Variants in GTF2I observed in about 807,000 individuals in gnomAD.
The protein encoded by GTF2I is general transcription factor IIi.
A neutral mutation model predicts 67.6 loss-of-function variants in GTF2I; 12 were observed. The ratio of observed to expected loss-of-function variants is 0.18; its 90% confidence interval spans 0.11 to 0.29. The LOEUF (loss-of-function observed/expected upper bound fraction) is 0.29. GTF2I is among the 10% of genes least tolerant of loss of function. GTF2I has a pLI of 1.00. For synonymous variants in GTF2I, 149 were observed against 197.0 expected (o/e 0.76, Z 2.04); for missense variants, 271 against 580.1 (o/e 0.47, Z 5.47).
intron 10 of GTF2I, among the ~76,000 whole-genome samples, chr7:74,715,329 T>A (rs1156384121): frequency 1.3e-5 from 2 of 152,118 alleles, no homozygotes; most frequent in Non-Finnish European, 2.9e-5. Context: ...ATTGCCTTTT[T>A]GGCAATTTTT....
rs587707981 is a variant in GTF2I, at chr7:74,734,542, C to T, written c.1363+561C>T. Among the ~76,000 whole-genome samples the T allele has an allele frequency of 2.1e-3, 319 of 152,138 alleles. 1 individual carries two copies. The highest frequency in any genetic ancestry group is 7.5e-3 in the African/African-American group (311 of 41,540). On this transcript the variant is annotated intron_variant, in intron 16 of 34. Transcript: ENST00000573035. ...GGTTCAAGCAGTTCTCCTGCCTCAG[C>T]CTCCCTGTAGCTGGGATTACAGGTG... is the stretch of plus-strand genomic sequence containing the variant.
At chr7:74,717,407 C>CA (rs1161337719) in intron 11 of GTF2I, among the ~76,000 whole-genome samples, 1 of 152,136 alleles carries the variant, frequency 6.6e-6, no homozygotes, top group African/African-American at 2.4e-5. Context: ...ATTTTGTACT[C>CA]ACAACTACTC....
chr7:74,675,942 A>G (rs1260783815), intron 1 of GTF2I, among the ~76,000 whole-genome samples: 1 of 152,136 alleles, frequency 6.6e-6, no homozygotes, highest in East Asian at 1.9e-4. Context: ...CCCGGGAGGC[A>G]GAGGTTGCAG....
chr7:74,701,812 T>A (rs1410709069), intron 6 of GTF2I, among the ~76,000 whole-genome samples: 2 of 152,202 alleles, frequency 1.3e-5, no homozygotes, highest in Non-Finnish European at 2.9e-5. Flanking sequence ...AGATTTACAA[T>A]CTTAAAATGT....
intron 1 of GTF2I, among the ~76,000 whole-genome samples, chr7:74,661,426 T>A (rs587662034): frequency 1.3e-5 from 2 of 152,228 alleles, no homozygotes; most frequent in South Asian, 4.1e-4. Context: ...ACACCTGTAA[T>A]CCCAGCACTT....
intron 12 of GTF2I, among the ~76,000 whole-genome samples, chr7:74,719,453 T>C (rs1265349159): frequency 1.3e-5 from 2 of 152,232 alleles, no homozygotes; most frequent in East Asian, 3.8e-4. Flanking sequence ...AAATATATTC[T>C]ACAATACTCT....
chr7:74,680,074 C>A (rs1554393594), intron 1 of GTF2I, among the ~76,000 whole-genome samples: 1 of 44,844 alleles, frequency 2.2e-5, no homozygotes, highest in Non-Finnish European at 4.0e-5. Context: ...AGCCAGAGTC[C>A]ATCTCAAAAA....
At chr7:74,675,548 T>TG (rs372867083) in intron 1 of GTF2I, among the ~76,000 whole-genome samples, 1 of 152,154 alleles carries the variant, frequency 6.6e-6, no homozygotes, top group Non-Finnish European at 1.5e-5. Flanking sequence ...TTTGAGAGGC[T>TG]GTTTTTTTTG....
At chr7:74,706,914 G>T (rs118058725) in intron 8 of GTF2I, among the ~76,000 whole-genome samples, 5,242 of 152,154 alleles carry the variant, frequency 0.034, 110 homozygotes, top group Non-Finnish European at 0.047. Flanking sequence ...GCAGTGGCAC[G>T]ACCTCGGCTC....
At chr7:74,719,343 A>T (rs1205838459) in intron 12 of GTF2I, among the ~76,000 whole-genome samples, 1 of 152,178 alleles carries the variant, frequency 6.6e-6, no homozygotes, top group East Asian at 1.9e-4. Flanking sequence ...TTAGTGAGTA[A>T]TTTTTAAAGC....
At chr7:74,664,777 A>T (rs781922301) in intron 1 of GTF2I, among the ~76,000 whole-genome samples, 28 of 151,844 alleles carry the variant, frequency 1.8e-4, no homozygotes, top group Non-Finnish European at 3.7e-4. Flanking sequence ...CTTAAAAAAT[A>T]TATCATGAGA....
chr7:74,701,592 C>T (rs376585842), intron 6 of GTF2I, among the ~76,000 whole-genome samples: 6 of 152,116 alleles, frequency 3.9e-5, no homozygotes, highest in African/African-American at 7.2e-5. Context: ...CTCAGCCTCC[C>T]GAGTAGCTGG....
At chr7:74,725,844 TC>T (rs1289439563) in intron 12 of GTF2I, among the ~76,000 whole-genome samples, 1 of 151,614 alleles carries the variant, frequency 6.6e-6, no homozygotes, top group African/African-American at 2.4e-5. Context: ...TTTTTCTCTT[TC>T]TTTTTTTTTT....
intron 9 of GTF2I, among the ~76,000 whole-genome samples, chr7:74,711,400 C>G (rs1791524896): frequency 6.6e-6 from 1 of 152,132 alleles, no homozygotes; most frequent in Non-Finnish European, 1.5e-5. Context: ...CAAAATAAAA[C>G]AAACCTATTA....
Position 74,718,891 on chromosome 7 carries a change from A to G in GTF2I, c.893A>G (p.His298Arg), listed in dbSNP as rs1792587772. ...MEVPAEDSTQ[H>R]VPSETSEDPE... Reference sequence around the variant, plus strand: ...TATTTTTTTCAAGATTCTACTCAACATGTCCCTTCAGAAACAAGTGAGGAC... The same window carrying G: ...TATTTTTTTCAAGATTCTACTCAACGTGTCCCTTCAGAAACAAGTGAGGAC... The change falls in exon 12 of 35, where the codon CAT (histidine) becomes CGT (arginine). Residue 298 changes from histidine (H) to arginine (R), a missense_variant. By Grantham distance (29) the His-to-Arg change is conservative. Coordinates refer to ENST00000573035, the MANE Select transcript of GTF2I (RefSeq NM_032999.4). 2 of 1,550,150 alleles carry G rather than the reference A, an allele frequency of 1.3e-6. No homozygotes were observed. The highest frequency in any genetic ancestry group is 1.8e-6 in the Non-Finnish European group (2 of 1,134,468).
At chr7:74,705,074 C>A in intron 6 of GTF2I, 90 bp from the exon 7 acceptor site, 1 of 805,318 alleles carries the variant, frequency 1.2e-6, no homozygotes, top group Non-Finnish European at 2.1e-6. Context: ...AAGCCTAGTT[C>A]TACCCCACTA....
At chr7:74,718,237 C>T (rs2131436997) in intron 11 of GTF2I, among the ~76,000 whole-genome samples, 1 of 152,236 alleles carries the variant, frequency 6.6e-6, no homozygotes, top group East Asian at 1.9e-4. Flanking sequence ...TAATCTTTGG[C>T]AAATCAATTA....
intron 1 of GTF2I, among the ~76,000 whole-genome samples, chr7:74,683,135 A>G (rs2131264237): frequency 6.6e-6 from 1 of 152,348 alleles, no homozygotes; most frequent in East Asian, 1.9e-4. Flanking sequence ...ATCGAAGGAT[A>G]CCATTTCATA....
chr7:74,691,333 A>G (rs1788284848), intron 3 of GTF2I, among the ~76,000 whole-genome samples: 1 of 151,866 alleles, frequency 6.6e-6, no homozygotes. Context: ...CAGCCTCCCA[A>G]GTAGCTGGGA....
Sources: gnomAD v4.1 joint callset for allele counts (sites outside exome capture counted in the v4.1 genomes callset) on GRCh38, gnomAD v4.1.1 for gene constraint, MANE v1.5 for transcripts, NCBI Gene and HGNC (gene_info 2026-07-23, HGNC 2026-07-21) for gene names.